The following BRD10 variants were observed in gnomAD, a reference collection of about 807,000 sequenced individuals.
The protein encoded by BRD10 is uncharacterized bromodomain-containing protein 10.
At chr9:5,979,424 GA>G in the BRD10 span, among the ~76,000 whole-genome samples, 2 of 151,828 alleles carry the variant, frequency 1.3e-5, no homozygotes, top group Non-Finnish European at 2.9e-5. Context: ...GAGGTGGGAG[GA>G]TAACTTGAGC....
the BRD10 span, chr9:5,920,030 GTTGTGT>G: frequency 3.1e-6 from 5 of 1,613,876 alleles, no homozygotes; most frequent in African/African-American, 5.3e-5. Context: ...AACCTTAGCA[GTTGTGT>G]TTATGAGTTG....
chr9:5,992,567 A>C, the BRD10 span, among the ~76,000 whole-genome samples: 4 of 152,194 alleles, frequency 2.6e-5, no homozygotes, highest in Non-Finnish European at 5.9e-5. Context: ...CCCGTTGCAA[A>C]AATTCAAGCT....
the BRD10 span, chr9:6,008,338 C>G: frequency 2.0e-6 from 2 of 984,684 alleles, no homozygotes; most frequent in African/African-American, 3.5e-5. Context: ...CGACAACTGT[C>G]AGTTAGAAGC....
At chr9:5,998,495 C>G in the BRD10 span, among the ~76,000 whole-genome samples, 3 of 152,016 alleles carry the variant, frequency 2.0e-5, no homozygotes, top group Non-Finnish European at 4.4e-5. Flanking sequence ...TTTTATGATC[C>G]TTTTCTCTCC....
At chr9:5,905,519 T>G in the BRD10 span, among the ~76,000 whole-genome samples, 31,587 of 152,180 alleles carry the variant, frequency 0.21, 3,430 homozygotes, top group South Asian at 0.3. Flanking sequence ...TTTTTTTAAT[T>G]AACCCCATAT....
chr9:5,921,668 T>G, the BRD10 span: 5 of 1,613,844 alleles, frequency 3.1e-6, no homozygotes, highest in Non-Finnish European at 4.2e-6. Context: ...TGTGATATAA[T>G]CTACTTGTTG....
At chr9:5,960,754 C>G in the BRD10 span, among the ~76,000 whole-genome samples, 2 of 152,066 alleles carry the variant, frequency 1.3e-5, no homozygotes, top group East Asian at 3.9e-4. Flanking sequence ...AATTCATTTT[C>G]GCCAACTCTA....
the BRD10 span, among the ~76,000 whole-genome samples, chr9:5,999,411 A>G: frequency 6.6e-6 from 1 of 152,170 alleles, no homozygotes; most frequent in Admixed American, 6.5e-5. Context: ...AAACATAGTC[A>G]AACGCAATAC....
At chr9:5,940,391 C>A in the BRD10 span, among the ~76,000 whole-genome samples, 1 of 152,072 alleles carries the variant, frequency 6.6e-6, no homozygotes, top group African/African-American at 2.4e-5. Context: ...GACAGGGTTT[C>A]ACCATGTTAG....
At chr9:5,940,054 A>T in the BRD10 span, among the ~76,000 whole-genome samples, 1 of 152,306 alleles carries the variant, frequency 6.6e-6, no homozygotes, top group Non-Finnish European at 1.5e-5. Flanking sequence ...AAGTATTATT[A>T]TTGTATTCTG....
the BRD10 span, among the ~76,000 whole-genome samples, chr9:5,905,822 C>G: frequency 1.3e-5 from 2 of 152,214 alleles, no homozygotes; most frequent in Non-Finnish European, 2.9e-5. Flanking sequence ...ATAACCCAAC[C>G]ACCTCAGGCA....
chr9:5,922,230 C>T, the BRD10 span: 1 of 1,613,936 alleles, frequency 6.2e-7, no homozygotes, highest in Non-Finnish European at 8.5e-7. Flanking sequence ...GTCTGTTGTG[C>T]AAAACAGTTG....
the BRD10 span, chr9:5,922,949 T>A: frequency 1.2e-6 from 2 of 1,614,040 alleles, no homozygotes; most frequent in Non-Finnish European, 1.7e-6. Context: ...GGTCACTTTA[T>A]TCCCAATATT....
the BRD10 span, among the ~76,000 whole-genome samples, chr9:5,911,989 T>C: frequency 6.6e-6 from 1 of 152,238 alleles, no homozygotes; most frequent in African/African-American, 2.4e-5. Context: ...AGCATGGATG[T>C]TTTAACAATA....
the BRD10 span, among the ~76,000 whole-genome samples, chr9:5,973,619 T>G: frequency 6.6e-6 from 1 of 152,168 alleles, no homozygotes; most frequent in African/African-American, 2.4e-5. Context: ...CTGGGTGTGG[T>G]GGCTCACACC....
At chr9:6,001,866 A>G in the BRD10 span, among the ~76,000 whole-genome samples, 1 of 152,344 alleles carries the variant, frequency 6.6e-6, no homozygotes, top group Non-Finnish European at 1.5e-5. Context: ...ATGGTCATTC[A>G]TGAGCTGAAC....
the BRD10 span, among the ~76,000 whole-genome samples, chr9:5,949,324 A>G: frequency 2.0e-5 from 3 of 152,066 alleles, no homozygotes; most frequent in Non-Finnish European, 2.9e-5. Flanking sequence ...GTGCCACTGC[A>G]CTCCAGTCTG....
the BRD10 span, chr9:5,920,914 A>G: frequency 1.9e-6 from 3 of 1,614,030 alleles, no homozygotes; most frequent in Non-Finnish European, 2.5e-6. Flanking sequence ...TATTTGACAA[A>G]ATAGGCATAA....
chr9:5,999,325 G>T, the BRD10 span, among the ~76,000 whole-genome samples: 1 of 151,834 alleles, frequency 6.6e-6, no homozygotes, highest in African/African-American at 2.4e-5. Context: ...ATCTAGCATT[G>T]CTCTAGGATT....
Sources: allele counts gnomAD v4.1 joint callset (sites outside exome capture counted in the v4.1 genomes callset), GRCh38; gene constraint gnomAD v4.1.1; transcripts MANE v1.5; gene names NCBI Gene and HGNC (gene_info 2026-07-23, HGNC 2026-07-21).